The following SLC17A1 variants were observed in gnomAD, a reference collection of about 807,000 sequenced individuals.
SLC17A1 encodes the protein solute carrier family 17 member 1, also known as sodium-dependent phosphate transport protein 1.
A neutral mutation model predicts 53.5 loss-of-function variants in SLC17A1; 51 were observed. That is an observed-to-expected ratio of 0.95 (90% CI 0.76 to 1.20). The LOEUF (loss-of-function observed/expected upper bound fraction) is 1.20, where lower values mean the gene tolerates loss of function less well. Ranked by LOEUF, SLC17A1 falls within the 50% of genes most tolerant of loss-of-function variation. SLC17A1 has a pLI of 0.00. For missense variants in SLC17A1, 538 were observed against 568.2 expected, an observed-to-expected ratio of 0.95 and a Z score of 0.54; for synonymous variants, 179 against 198.8, an observed-to-expected ratio of 0.90 and a Z score of 0.84.
chr6:25,726,889 T>G, the SLC17A1 span: 1 of 1,603,042 alleles, frequency 6.2e-7, no homozygotes, highest in Non-Finnish European at 8.5e-7. Flanking sequence ...CGTGTAACGC[T>G]GCAGAAGTGT....
At chr6:25,732,455 T>C in the SLC17A1 span, 522 of 300,646 alleles carry the variant, frequency 1.7e-3, 3 homozygotes, top group African/African-American at 8.4e-3. Flanking sequence ...TGTCTTAGAC[T>C]AGGGAAACTC....
chr6:25,773,242 C>A, the SLC17A1 span: 1 of 1,494,964 alleles, frequency 6.7e-7, no homozygotes, highest in Admixed American at 1.7e-5. Context: ...GTACTTCAAT[C>A]CATCCAGTGC....
intron 10 of SLC17A1, among the ~76,000 whole-genome samples, chr6:25,803,537 A>C (rs1310217400): frequency 6.6e-6 from 1 of 152,134 alleles, no homozygotes; most frequent in African/African-American, 2.4e-5. Flanking sequence ...AGTCACACTT[A>C]TTATATCTCT....
the SLC17A1 span, chr6:25,727,347 A>G: frequency 6.9e-7 from 1 of 1,458,966 alleles, no homozygotes; most frequent in Non-Finnish European, 9.2e-7. Context: ...AGCCACTTAA[A>G]CATACTGAAA....
At chr6:25,776,665 A>G in the SLC17A1 span, 1 of 1,613,872 alleles carries the variant, frequency 6.2e-7, no homozygotes, top group Non-Finnish European at 8.5e-7. Flanking sequence ...CTACTGGCAG[A>G]CTTTCTTCTC....
the SLC17A1 span, chr6:25,727,387 C>G: frequency 9.6e-7 from 1 of 1,045,116 alleles, no homozygotes; most frequent in Non-Finnish European, 1.3e-6. Context: ...TGTGTAGTTT[C>G]TAACCGTAAG....
At chr6:25,769,644 A>C in the SLC17A1 span, among the ~76,000 whole-genome samples, 45,295 of 151,976 alleles carry the variant, frequency 0.3, 7,717 homozygotes, top group East Asian at 0.74. Context: ...TACTTAGTGC[A>C]TATGAGTGTA....
chr6:25,775,780 C>G, the SLC17A1 span, among the ~76,000 whole-genome samples: 16 of 152,146 alleles, frequency 1.1e-4, no homozygotes, highest in African/African-American at 3.9e-4. Context: ...TGCAAGCATA[C>G]ATGAATGTGT....
At chr6:25,823,633 C>T (rs1277542428) in intron 3 of SLC17A1, among the ~76,000 whole-genome samples, 1 of 151,954 alleles carries the variant, frequency 6.6e-6, no homozygotes, top group African/African-American at 2.4e-5. Context: ...TAGCTGTTCA[C>T]ATCTTTTTTT....
At chr6:25,776,566 A>G in the SLC17A1 span, 2 of 1,571,658 alleles carry the variant, frequency 1.3e-6, no homozygotes. Flanking sequence ...GTAAGGGCAC[A>G]TGCACCTGAC....
At chr6:25,754,569 A>G in the SLC17A1 span, 1 of 152,222 alleles carries the variant, frequency 6.6e-6, no homozygotes, top group Non-Finnish European at 1.5e-5. Context: ...GGCTTGAAGC[A>G]TGAGGAAGAT....
intron 10 of SLC17A1, among the ~76,000 whole-genome samples, chr6:25,806,280 A>G (rs775294176): frequency 1.3e-5 from 2 of 152,044 alleles, no homozygotes; most frequent in Non-Finnish European, 2.9e-5. Context: ...AATAAAACCC[A>G]TATGATCATT....
chr6:25,745,370 G>A, the SLC17A1 span, among the ~76,000 whole-genome samples: 22 of 152,130 alleles, frequency 1.4e-4, no homozygotes, highest in Non-Finnish European at 2.8e-4. Context: ...GTATGTATAT[G>A]TACGTATTCA....
the SLC17A1 span, among the ~76,000 whole-genome samples, chr6:25,767,290 A>G: frequency 1.3e-5 from 2 of 152,212 alleles, no homozygotes; most frequent in Non-Finnish European, 1.5e-5. Flanking sequence ...CTAGCAAAAT[A>G]CATCATGTTT....
chr6:25,816,339 C>T (rs1242357824), intron 6 of SLC17A1, among the ~76,000 whole-genome samples: 1 of 152,236 alleles, frequency 6.6e-6, no homozygotes, highest in African/African-American at 2.4e-5. Context: ...CCTCCTACCT[C>T]CCTTGGTCAC....
At chr6:25,733,909 G>A in the SLC17A1 span, among the ~76,000 whole-genome samples, 1 of 151,278 alleles carries the variant, frequency 6.6e-6, no homozygotes, top group Admixed American at 6.6e-5. Flanking sequence ...CCACCTCCTG[G>A]GTTCCAGTGA....
At chr6:25,762,144 A>ACTGTAAC in the SLC17A1 span, 1 of 1,123,862 alleles carries the variant, frequency 8.9e-7, no homozygotes, top group Non-Finnish European at 1.3e-6. Context: ...GATCTGTGGC[A>ACTGTAAC]TCTTTTGTTG....
chr6:25,798,974 TG>T, intron 11 of SLC17A1, 55 bp from the exon 12 acceptor site: 2 of 1,500,782 alleles, frequency 1.3e-6, no homozygotes, highest in Non-Finnish European at 1.8e-6. Context: ...TTTTTTGTTT[TG>T]TAATGTTTAA....
the SLC17A1 span, chr6:25,726,720 G>A: frequency 9.5e-7 from 1 of 1,052,040 alleles, no homozygotes; most frequent in Non-Finnish European, 1.4e-6. Context: ...TTTGGATACC[G>A]AACGCGGCGT....
Sources: gnomAD v4.1 joint callset for allele counts (sites outside exome capture counted in the v4.1 genomes callset) on GRCh38, gnomAD v4.1.1 for gene constraint, MANE v1.5 for transcripts, NCBI Gene and HGNC (gene_info 2026-07-23, HGNC 2026-07-21) for gene names.